PTPRK: variants seen among roughly 807,000 people sequenced by gnomAD.
PTPRK encodes the protein receptor-type tyrosine-protein phosphatase kappa.
In PTPRK, 75 loss-of-function variants were observed where a neutral mutation model predicts 178.0. The ratio of observed to expected loss-of-function variants is 0.42; its 90% confidence interval spans 0.35 to 0.51. The LOEUF (loss-of-function observed/expected upper bound fraction) is 0.51, where lower values mean the gene tolerates loss of function less well. Among genes scored for constraint, PTPRK ranks in the 20% least tolerant of loss-of-function variants. PTPRK has a pLI of 0.02. For synonymous variants in PTPRK, 637 were observed against 620.6 expected (o/e 1.03, Z -0.39); for missense variants, 1,441 against 1,797.8 (o/e 0.80, Z 3.59).
At chr6:128,179,821 T>C (rs552599983) in intron 7 of PTPRK, among the ~76,000 whole-genome samples, 1 of 152,192 alleles carries the variant, frequency 6.6e-6, no homozygotes, top group Admixed American at 6.6e-5. Context: ...CACTTTGTGG[T>C]TTCTGGTATA....
intron 1 of PTPRK, among the ~76,000 whole-genome samples, chr6:128,423,320 A>T (rs181835301): frequency 6.6e-6 from 1 of 152,322 alleles, no homozygotes; most frequent in East Asian, 1.9e-4. Flanking sequence ...ATGTCAGAAC[A>T]ATTTAAAAAT....
intron 7 of PTPRK, among the ~76,000 whole-genome samples, chr6:128,169,794 T>C (rs1799974919): frequency 3.4e-5 from 5 of 149,094 alleles, no homozygotes; most frequent in Admixed American, 2.7e-4. Flanking sequence ...TGTGTGTGTG[T>C]GTGTGTGTGT....
chr6:128,045,118 A>G (rs1777835553), intron 13 of PTPRK, among the ~76,000 whole-genome samples: 1 of 152,004 alleles, frequency 6.6e-6, no homozygotes, highest in Non-Finnish European at 1.5e-5. Context: ...CTTCTCAGAA[A>G]TTTTCCACAA....
chr6:128,235,042 TACTC>T (rs2128280751), intron 5 of PTPRK, among the ~76,000 whole-genome samples: 1 of 152,262 alleles, frequency 6.6e-6, no homozygotes, highest in South Asian at 2.1e-4. Flanking sequence ...AAATAATAAA[TACTC>T]AAGGTTACGG....
At chr6:128,425,634 C>T (rs2128389962) in intron 1 of PTPRK, among the ~76,000 whole-genome samples, 1 of 152,278 alleles carries the variant, frequency 6.6e-6, no homozygotes, top group East Asian at 1.9e-4. Flanking sequence ...TTACCTCAGG[C>T]TTAGTCTGCT....
intron 3 of PTPRK, chr6:128,321,823 T>G: frequency 2.8e-6 from 2 of 724,182 alleles, no homozygotes; most frequent in Non-Finnish European, 4.9e-6. Flanking sequence ...CTCCAAACAC[T>G]TCCTCATCAA....
chr6:128,379,841 C>A (rs547807073), intron 2 of PTPRK, among the ~76,000 whole-genome samples: 1 of 152,212 alleles, frequency 6.6e-6, no homozygotes, highest in African/African-American at 2.4e-5. Context: ...GGATGGCAAA[C>A]TGTCTGTTTA....
chr6:128,166,259 T>C (rs1799385583), intron 7 of PTPRK, among the ~76,000 whole-genome samples: 1 of 151,710 alleles, frequency 6.6e-6, no homozygotes, highest in Non-Finnish European at 1.5e-5. Context: ...TTTTTTTTTC[T>C]TATCTTTAGA....
intron 13 of PTPRK, among the ~76,000 whole-genome samples, chr6:128,024,215 C>T (rs905403616): frequency 6.6e-6 from 1 of 152,128 alleles, no homozygotes; most frequent in African/African-American, 2.4e-5. Flanking sequence ...CTTGTAAGAG[C>T]TCTGTAAACA....
chr6:128,035,635 T>G (rs2114814761), intron 13 of PTPRK, among the ~76,000 whole-genome samples: 1 of 152,310 alleles, frequency 6.6e-6, no homozygotes, highest in East Asian at 1.9e-4. Context: ...CATGGAAGAT[T>G]GAGAGCAAAA....
In PTPRK at chr6:128,082,511, T is replaced by C; in HGVS notation, c.1703A>G (p.Gln568Arg). The change falls in exon 10 of 30, where the codon CAG becomes CGG. Residue 568 changes from glutamine (Q) to arginine (R), a missense_variant. Transcript: ENST00000368226. Reference sequence around the variant, plus strand: ...GACCGTGCTGGCTCTTATGAAAAACTGGTACGTGGTTCCAGGGTGGAGATG... The same window carrying C: ...GACCGTGCTGGCTCTTATGAAAAACCGGTACGTGGTTCCAGGGTGGAGATG... ...FMHLHPGTTYQFFIRASTVKG... is the reference protein window; with the variant it reads ...FMHLHPGTTYRFFIRASTVKG... The C allele has an allele frequency of 1.9e-6, 3 of 1,613,562 alleles. No individual in the cohort carries two copies. The highest frequency in any genetic ancestry group is 1.7e-5 in the Admixed American group (1 of 59,952).
intron 1 of PTPRK, among the ~76,000 whole-genome samples, chr6:128,448,244 A>T (rs1847290842): frequency 6.6e-6 from 1 of 152,226 alleles, no homozygotes; most frequent in Non-Finnish European, 1.5e-5. Flanking sequence ...GAACTAAATA[A>T]AGAACTATTC....
chr6:128,293,827 T>C (rs17055576), intron 3 of PTPRK, among the ~76,000 whole-genome samples: 8,026 of 152,188 alleles, frequency 0.053, 708 homozygotes, highest in African/African-American at 0.18. Flanking sequence ...TGTTTTGCAA[T>C]TCTCTAGTAC....
At chr6:128,472,620 C>A in intron 1 of PTPRK, 3 of 258,134 alleles carry the variant, frequency 1.2e-5, no homozygotes, top group Non-Finnish European at 1.5e-5. Flanking sequence ...ATATATAATT[C>A]TACATATTAA....
rs1246122796 is a variant in PTPRK, at chr6:128,307,898, C to T, written c.495+14141G>A. On this transcript the variant is annotated intron_variant, in intron 3 of 29. Transcript: ENST00000368226. ...ATTTTGGTGAACAGCTTAGAGTCAA[C>T]AAGTTGAATACATAAACCACATGAC... Among the ~76,000 whole-genome samples, 4 of 152,088 alleles carry T rather than the reference C, an allele frequency of 2.6e-5. No homozygotes were observed. The South Asian group carries it at 6.2e-4, about 24-fold the overall frequency.
chr6:128,065,930 A>C (rs1265915996), intron 12 of PTPRK, among the ~76,000 whole-genome samples: 1 of 152,244 alleles, frequency 6.6e-6, no homozygotes, highest in African/African-American at 2.4e-5. Flanking sequence ...GATAACTGTG[A>C]AATATATTGT....
chr6:128,344,015 T>C (rs1832051921), intron 2 of PTPRK, among the ~76,000 whole-genome samples: 1 of 152,210 alleles, frequency 6.6e-6, no homozygotes, highest in African/African-American at 2.4e-5. Context: ...TCTTTATTTG[T>C]AAAAGAGAGA....
At chr6:128,512,371 C>A (rs1052208961) in intron 1 of PTPRK, among the ~76,000 whole-genome samples, 1 of 152,184 alleles carries the variant, frequency 6.6e-6, no homozygotes, top group Admixed American at 6.5e-5. Context: ...TCTCATGATA[C>A]AGCCAACTGT....
At chr6:128,255,259 GA>G (rs1817094150) in intron 3 of PTPRK, among the ~76,000 whole-genome samples, 2 of 152,180 alleles carry the variant, frequency 1.3e-5, no homozygotes, top group African/African-American at 4.8e-5. Flanking sequence ...AAAGTGCTGG[GA>G]TAACAGGCGT....
Sources: allele counts gnomAD v4.1 joint callset (sites outside exome capture counted in the v4.1 genomes callset), GRCh38; gene constraint gnomAD v4.1.1; transcripts MANE v1.5; gene names NCBI Gene and HGNC (gene_info 2026-07-23, HGNC 2026-07-21).